The following MYO7B variants were observed in gnomAD, a reference collection of about 807,000 sequenced individuals.
MYO7B encodes the protein unconventional myosin-VIIb.
In MYO7B, 212 loss-of-function variants were observed where a neutral mutation model predicts 259.7. The ratio of observed to expected loss-of-function variants is 0.82; its 90% CI spans 0.73 to 0.91. The LOEUF is 0.91. MYO7B is among the 40% of genes least tolerant of loss of function. The pLI is 0.00. For synonymous variants in MYO7B, 1,197 were observed against 1,166.4 expected (o/e 1.03, Z -0.54); for missense variants, 2,732 against 2,813.5 (o/e 0.97, Z 0.66).
At chr2:127,570,312 C>G (rs929607484) in intron 6 of MYO7B, among the ~76,000 whole-genome samples, 1 of 152,208 alleles carries the variant, frequency 6.6e-6, no homozygotes, top group African/African-American at 2.4e-5. Flanking sequence ...TGGGAGAAAG[C>G]AGGAGTGGGC....
chr2:127,577,194 G>A lies in MYO7B; in HGVS notation c.849+486G>A, dbSNP rs1179627019. On this transcript the variant is annotated intron_variant, in intron 8 of 47. Transcript: ENST00000409816. This position sits in a 1 kb window ranked among gnomAD's most constrained non-coding sequence, Gnocchi z 5.2. ...TTAGCTGAGGCTCCCTGGCCCTCAG[G>A]AGAACTGCGCCTCCTGGTTTATTGA... 1.3e-5 allele frequency among the ~76,000 whole-genome samples: 2 copies of A among 152,096 alleles called. No homozygotes were observed. Among genetic ancestry groups the A allele is most frequent in the Non-Finnish European group, 2.9e-5 (2 of 68,006 alleles).
chr2:127,584,070 G>C lies in MYO7B; in HGVS notation c.1344-52G>C. On this transcript the variant is annotated intron_variant, in intron 12 of 47. Transcript: ENST00000409816. This position sits in a 1 kb window ranked among gnomAD's most constrained non-coding sequence, Gnocchi z 5.8. ...TCCTATGGCTCCAGCCTGCTGCAGC[G>C]GGGACTCAGCTGGCCCCACTCCACC... The C allele has an allele frequency of 2.6e-6, 4 of 1,528,102 alleles. No homozygotes were observed. Among genetic ancestry groups the C allele is most frequent in the Non-Finnish European group, 2.7e-6 (3 of 1,118,342 alleles). 94.7% of individuals were successfully genotyped at this position (1,528,102 alleles called of 1,614,324 possible). A position where few individuals can be genotyped will look rare whatever the true frequency, so the allele number is the denominator to read the frequency against.
intron 5 of MYO7B, 144 bp from the exon 6 acceptor site, chr2:127,569,645 T>C: frequency 9.5e-7 from 1 of 1,049,576 alleles, no homozygotes; most frequent in Non-Finnish European, 1.3e-6. Flanking sequence ...TTTCAGGGCT[T>C]CAGTGCAGTG....
At chr2:127,571,442 G>GTTTTTTTTTTGTTTTTTTTTTTTTT (rs1553448471) in intron 6 of MYO7B, among the ~76,000 whole-genome samples, 15 of 41,978 alleles carry the variant, frequency 3.6e-4, no homozygotes, top group African/African-American at 6.5e-4. Flanking sequence ...TTACCAGTGA[G>GTTTTTTTTTTGTTTTTTTTTTTTTT]TTTTTTTTTT....
At chr2:127,605,595 C>G (rs559292857) in intron 19 of MYO7B, among the ~76,000 whole-genome samples, 174 of 152,238 alleles carry the variant, frequency 1.1e-3, no homozygotes, top group African/African-American at 4.1e-3. Flanking sequence ...GAAACTCCAT[C>G]TAAAAAAACA....
intron 1 of MYO7B, among the ~76,000 whole-genome samples, chr2:127,537,195 T>C (rs1460130368): frequency 6.6e-6 from 1 of 152,158 alleles, no homozygotes; most frequent in Non-Finnish European, 1.5e-5. Context: ...GGATTAGTCA[T>C]TTCAATTTAT....
chr2:127,627,389 G>A lies in MYO7B; in HGVS notation c.4460+79G>A. 6.7e-7 allele frequency: 1 copy of A among 1,503,460 alleles called. No individual in the cohort carries two copies. The highest frequency in any genetic ancestry group is 1.2e-5 in the South Asian group (1 of 84,152). 93.1% of individuals were successfully genotyped at this position (1,503,460 alleles called of 1,614,324 possible). A position where few individuals can be genotyped will look rare whatever the true frequency, so the allele number is the denominator to read the frequency against. On this transcript the variant is annotated intron_variant, in intron 33 of 47. Coordinates refer to ENST00000409816, the MANE Select transcript of MYO7B (RefSeq NM_001393586.1). The surrounding 1 kb of genome is among the most constrained non-coding windows in gnomAD (Gnocchi z 5.6). The stretch of plus-strand genomic sequence containing the variant: ...CTGGGGGCTCGGGGAGAGATGGGGA[G>A]AGGGGCAGTGTGCCGTCCCGGGTAA...
At position 127,609,368 on chromosome 2, in the gene MYO7B, G is replaced by C. The variant is rs144185974; in HGVS notation, c.2815-138G>C. On this transcript the variant is annotated intron_variant, in intron 22 of 47. Coordinates refer to ENST00000409816, the MANE Select transcript of MYO7B (RefSeq NM_001393586.1). This position sits in a 1 kb window ranked among gnomAD's most constrained non-coding sequence, Gnocchi z 6.9. The stretch of plus-strand genomic sequence containing the variant: ...GCCCACCTGAGCCCACTGAATGTGG[G>C]GATGGGTGGTCTCCAGCACCTGAGG... The C allele has an allele frequency of 7.3e-4, 552 of 758,398 alleles. 2 individuals carry two copies. Among genetic ancestry groups the C allele is most frequent in the Non-Finnish European group, 7.7e-5 (35 of 457,426 alleles). The allele number at this position is 758,398 out of a possible 1,614,324, so 47.0% of individuals were successfully genotyped here. A position where few individuals can be genotyped will look rare whatever the true frequency, so the allele number is the denominator to read the frequency against.
chr2:127,569,034 C>T (rs1376099352), intron 5 of MYO7B, among the ~76,000 whole-genome samples: 4 of 151,990 alleles, frequency 2.6e-5, no homozygotes, highest in Non-Finnish European at 4.4e-5. Context: ...ATGGTGAAAC[C>T]TTATCTCTAC....
intron 19 of MYO7B, among the ~76,000 whole-genome samples, chr2:127,599,754 C>T (rs1327647273): frequency 6.6e-6 from 1 of 152,280 alleles, no homozygotes; most frequent in East Asian, 1.9e-4. Context: ...TTTTTTCCTG[C>T]ATCAGTTGAT....
intron 19 of MYO7B, among the ~76,000 whole-genome samples, chr2:127,603,153 A>G (rs922072263): frequency 2.9e-4 from 44 of 152,240 alleles, no homozygotes; most frequent in African/African-American, 1.0e-3. Flanking sequence ...TTAACCCCTC[A>G]AAGTCATTCA....
In MYO7B at chr2:127,593,606, A is replaced by C; in HGVS notation, c.2206A>C (p.Lys736Gln). 1 of 1,613,686 alleles carries C rather than the reference A, an allele frequency of 6.2e-7. No individual in the cohort carries two copies. The highest frequency in any genetic ancestry group is 2.2e-5 in the East Asian group (1 of 44,882). The change falls in exon 18 of 48, where the codon AAA (lysine) becomes CAA (glutamine). Residue 736 changes from lysine (K) to glutamine (Q), a missense_variant. Coordinates refer to ENST00000409816, the MANE Select transcript of MYO7B (RefSeq NM_001393586.1). The stretch of plus-strand genomic sequence containing the variant: ...CACTGACGTGTGGCTGCGGACAGAC[A>C]AAGACTGGAAAGCGGGGAAGACAAA... The part of the protein sequence containing the change: ...GITDVWLRTD[K>Q]DWKAGKTKIF...
In MYO7B at chr2:127,620,405, G is replaced by A. The variant is rs747787774; in HGVS notation, c.3464G>A (p.Arg1155Gln). The change falls in exon 27 of 48, where the codon CGG becomes CAG. Residue 1155 changes from arginine (R) to glutamine (Q), a missense_variant. Around this residue, in one of 3 missense-constraint regions of MYO7B, gnomAD observed 1,906 missense variants for 2,026.4 expected, o/e 0.94. Transcript: ENST00000409816. ...SENFKTSSLA[R>Q]GWILLSLCLG... ...AACTTCAAAACAAGCAGCCTGGCCCGGGGCTGGATCCTGCTCAGCCTCTGC... is the reference window on the plus strand; with the variant it reads ...AACTTCAAAACAAGCAGCCTGGCCCAGGGCTGGATCCTGCTCAGCCTCTGC... 1.8e-5 allele frequency: 29 copies of A among 1,612,032 alleles called. No individual in the cohort carries two copies. The highest frequency in any genetic ancestry group is 2.1e-5 in the Non-Finnish European group (25 of 1,178,538).
Position 127,549,174 on chromosome 2 carries a change from TTCTTTCTTTCTC to T in MYO7B, c.-23-10514_-23-10503del, listed in dbSNP as rs1321404535. On this transcript the variant is annotated intron_variant, in intron 1 of 47. Coordinates refer to ENST00000409816, the MANE Select transcript of MYO7B (RefSeq NM_001393586.1). ...TTCCTTCCTTCCTTCCTTTCTTTCT[TTCTTTCTTTCTC>T]TCTTTCTTTCTTATACAAAACACTG... Among the ~76,000 whole-genome samples, 703 of 142,610 alleles carry T rather than the reference TTCTTTCTTTCTC, an allele frequency of 4.9e-3. 3 individuals carry two copies. Among genetic ancestry groups the T allele is most frequent in the Middle Eastern group, 0.021 (6 of 288 alleles). The allele number at this position is 142,610 out of a possible 152,430, so 93.6% of individuals were successfully genotyped here.
intron 18 of MYO7B, among the ~76,000 whole-genome samples, chr2:127,594,449 C>T (rs1679687200): frequency 6.6e-6 from 1 of 152,196 alleles, no homozygotes; most frequent in Non-Finnish European, 1.5e-5. Context: ...GACGTCCTGG[C>T]CCCAGCCCTC....
intron 26 of MYO7B, among the ~76,000 whole-genome samples, chr2:127,617,997 C>T (rs1402610478): frequency 1.3e-5 from 2 of 152,024 alleles, no homozygotes; most frequent in African/African-American, 4.8e-5. Flanking sequence ...CCTATCTGTC[C>T]CTATAGTCCC....
chr2:127,623,944 C>G, intron 29 of MYO7B, 149 bp from the exon 30 acceptor site: 1 of 670,340 alleles, frequency 1.5e-6, no homozygotes, highest in Non-Finnish European at 2.5e-6. Flanking sequence ...CTTCAGGTGT[C>G]CACACGGGCT....
intron 24 of MYO7B, 36 bp downstream of exon 24, chr2:127,610,052 C>CACCTACCAGGT (rs1439776975): frequency 6.3e-7 from 1 of 1,598,298 alleles, no homozygotes; most frequent in African/African-American, 1.3e-5. Flanking sequence ...AGGAGGGCGA[C>CACCTACCAGGT]ACCTACCAGG....
chr2:127,575,801 T>G (rs1678843724), intron 7 of MYO7B, among the ~76,000 whole-genome samples: 1 of 152,060 alleles, frequency 6.6e-6, no homozygotes, highest in African/African-American at 2.4e-5. Context: ...TCTTATTTTT[T>G]GTAGAGGTGA....
Sources: allele counts gnomAD v4.1 joint callset (sites outside exome capture counted in the v4.1 genomes callset), GRCh38; gene constraint gnomAD v4.1.1; regional missense constraint gnomAD v4.1.1; non-coding constraint Gnocchi (gnomAD v3.1); transcripts MANE v1.5; gene names NCBI Gene and HGNC (gene_info 2026-07-23, HGNC 2026-07-21).